The following CCNY variants were observed in gnomAD, a reference collection of about 807,000 sequenced individuals.
CCNY encodes cyclin-Y.
Under a neutral mutation model 42.8 loss-of-function variants are expected in CCNY, and 19 were observed. That is an observed-to-expected ratio of 0.44 (90% confidence interval 0.31 to 0.65). The LOEUF (loss-of-function observed/expected upper bound fraction) is 0.65. CCNY is among the 30% of genes least tolerant of loss of function. The pLI, the probability that CCNY is intolerant of heterozygous loss-of-function variation, is 0.07. For synonymous variants in CCNY, 165 were observed against 162.7 expected, an observed-to-expected ratio of 1.01 and a Z score of -0.11; for missense variants, 370 against 437.3, an observed-to-expected ratio of 0.85 and a Z score of 1.37.
At chr10:35,393,053 G>A (rs867286661) in intron 1 of CCNY, among the ~76,000 whole-genome samples, 2 of 152,022 alleles carry the variant, frequency 1.3e-5, no homozygotes, top group Non-Finnish European at 2.9e-5. Context: ...CACTGACCCT[G>A]CTCCCTCTGC....
chr10:35,418,629 A>T (rs1044526037), intron 1 of CCNY, among the ~76,000 whole-genome samples: 1 of 152,064 alleles, frequency 6.6e-6, no homozygotes, highest in African/African-American at 2.4e-5. Context: ...TGCTCAGAGT[A>T]GAGGGTGCTC....
rs1839611256 is a variant in CCNY, at chr10:35,479,555, A to G, written c.155-3849A>G. Reference sequence around the variant, plus strand: ...CTCACTCATAGGTGGGAATTGAACAATGAGAACACATGGACACAGGAAGGG... The same window carrying G: ...CTCACTCATAGGTGGGAATTGAACAGTGAGAACACATGGACACAGGAAGGG... On this transcript the variant is annotated intron_variant, in intron 1 of 9. Coordinates refer to ENST00000374704, the MANE Select transcript of CCNY (RefSeq NM_145012.6). Among the ~76,000 whole-genome samples, 7 of 136,892 alleles carry G rather than the reference A, an allele frequency of 5.1e-5. No homozygotes were observed. In the South Asian group the frequency reaches 1.7e-3, roughly 33 times the overall value. The allele number at this position is 136,892 out of a possible 152,430, so 89.8% of individuals were successfully genotyped here. A position where few individuals can be genotyped will look rare whatever the true frequency, so the allele number is the denominator to read the frequency against.
chr10:35,424,329 C>T (rs567591431), intron 1 of CCNY, among the ~76,000 whole-genome samples: 9 of 152,334 alleles, frequency 5.9e-5, no homozygotes, highest in East Asian at 3.9e-4. Flanking sequence ...AGGTTTCAAG[C>T]GATTCTCCTG....
intron 1 of CCNY, among the ~76,000 whole-genome samples, chr10:35,416,000 T>TC (rs1838015644): frequency 6.6e-6 from 1 of 152,220 alleles, no homozygotes; most frequent in African/African-American, 2.4e-5. Context: ...TGCTCTTTTT[T>TC]CCCTATCCTT....
At chr10:35,476,444 C>T (rs925362633) in intron 1 of CCNY, among the ~76,000 whole-genome samples, 2 of 152,096 alleles carry the variant, frequency 1.3e-5, no homozygotes, top group African/African-American at 4.8e-5. Context: ...TCTCTCAGAC[C>T]ACAGTGCAAT....
Position 35,569,155 on chromosome 10 carries a change from A to G in CCNY, c.1011A>G (p.Pro337=), listed in dbSNP as rs1196025915. The G allele has an allele frequency of 1.9e-6, 3 of 1,608,964 alleles. No individual in the cohort carries two copies. The highest frequency in any genetic ancestry group is 2.5e-6 in the Non-Finnish European group (3 of 1,177,066). The change falls in exon 10 of 10, where the codon CCA becomes CCG. Residue 337 remains proline (P), a synonymous_variant. Coordinates refer to ENST00000374704, the MANE Select transcript of CCNY (RefSeq NM_145012.6). ...ACCTGACTCTGCCCCGGTGGTCCCC[A>G]GCCATCATCTCTTAACTACGGAGGC... ...ADNLTLPRWS[P]AIIS
At chr10:35,298,125 G>A (rs1835492730) in intron 3 of CCNY, among the ~76,000 whole-genome samples, 1 of 152,106 alleles carries the variant, frequency 6.6e-6, no homozygotes, top group Non-Finnish European at 1.5e-5. Context: ...AAAACAGCAT[G>A]GTACTGGTAC....
intron 7 of CCNY, among the ~76,000 whole-genome samples, chr10:35,533,028 G>A (rs761948709): frequency 1.1e-4 from 17 of 152,206 alleles, no homozygotes; most frequent in Non-Finnish European, 1.9e-4. Context: ...CCTTTGGGCT[G>A]CTTCTCTCAC....
chr10:35,415,208 C>T (rs1350857129), intron 1 of CCNY, among the ~76,000 whole-genome samples: 2 of 152,072 alleles, frequency 1.3e-5, no homozygotes, highest in Non-Finnish European at 2.9e-5. Context: ...TTTGTTGGTC[C>T]TCAGAGGAGA....
intron 2 of CCNY, among the ~76,000 whole-genome samples, chr10:35,495,059 T>C (rs1839979415): frequency 6.6e-6 from 1 of 152,208 alleles, no homozygotes; most frequent in Non-Finnish European, 1.5e-5. Flanking sequence ...GATGCTCAAA[T>C]AATGCAGAAT....
At chr10:35,478,688 A>G (rs1267684487) in intron 1 of CCNY, among the ~76,000 whole-genome samples, 1 of 152,248 alleles carries the variant, frequency 6.6e-6, no homozygotes, top group East Asian at 1.9e-4. Flanking sequence ...TAAAAACCCT[A>G]GAAGAAAACC....
At chr10:35,292,543 T>C (rs11595704) in intron 3 of CCNY, among the ~76,000 whole-genome samples, 1 of 151,892 alleles carries the variant, frequency 6.6e-6, no homozygotes, top group Non-Finnish European at 1.5e-5. Flanking sequence ...GTATTATTAG[T>C]AGAGACAGGG....
intron 1 of CCNY, among the ~76,000 whole-genome samples, chr10:35,468,429 A>G (rs899132612): frequency 6.6e-6 from 1 of 152,112 alleles, no homozygotes; most frequent in African/African-American, 2.4e-5. Context: ...GTGTGTCTCT[A>G]TGTGAATCCT....
intron 1 of CCNY, among the ~76,000 whole-genome samples, chr10:35,356,594 G>T (rs552248732): frequency 1.3e-5 from 2 of 152,014 alleles, no homozygotes; most frequent in Non-Finnish European, 2.9e-5. Context: ...AAAAATCTGC[G>T]CCCACTCCTT....
At chr10:35,284,945 GGTTACTTTCATTATGTT>G (rs1835336738) in intron 3 of CCNY, among the ~76,000 whole-genome samples, 1 of 151,948 alleles carries the variant, frequency 6.6e-6, no homozygotes. Flanking sequence ...TTCAGTTCCA[GGTTACTTTCATTATGTT>G]AGAGCCCATA....
chr10:35,267,438 G>A (rs2095726692), intron 3 of CCNY, among the ~76,000 whole-genome samples: 2 of 152,136 alleles, frequency 1.3e-5, no homozygotes, highest in South Asian at 4.1e-4. Flanking sequence ...TCTGGGGCTG[G>A]CTCATTCTTT....
At chr10:35,563,233 C>T (rs1170307768) in intron 8 of CCNY, among the ~76,000 whole-genome samples, 4 of 152,090 alleles carry the variant, frequency 2.6e-5, no homozygotes, top group Non-Finnish European at 5.9e-5. Flanking sequence ...AATACAACAG[C>T]TCTAAAATCT....
At chr10:35,501,665 A>G in intron 3 of CCNY, 130 bp downstream of exon 3, 1 of 810,646 alleles carries the variant, frequency 1.2e-6, no homozygotes. Context: ...CAGTGTACTT[A>G]TGCTTAGTTT....
intron 3 of CCNY, among the ~76,000 whole-genome samples, chr10:35,514,075 C>CAAAAAAAAAA (rs11451104): frequency 5.3e-5 from 4 of 76,178 alleles, no homozygotes; most frequent in Non-Finnish European, 5.0e-5. Flanking sequence ...AGGACCAGTT[C>CAAAAAAAAAA]AAAAAAAAAA....
Sources: allele counts gnomAD v4.1 joint callset (sites outside exome capture counted in the v4.1 genomes callset), GRCh38; gene constraint gnomAD v4.1.1; transcripts MANE v1.5; gene names NCBI Gene and HGNC (gene_info 2026-07-23, HGNC 2026-07-21).